ZMYM6: variants seen among roughly 807,000 people sequenced by gnomAD.
ZMYM6 encodes the protein zinc finger MYM-type containing 6, also known as zinc finger MYM-type protein 6.
A neutral mutation model predicts 134.0 loss-of-function variants in ZMYM6; 90 were observed. That is an observed-to-expected ratio of 0.67 (90% CI 0.57 to 0.80). ZMYM6 has a LOEUF of 0.80. Among genes scored for constraint, ZMYM6 ranks in the 30% least tolerant of loss-of-function variants. The probability of loss-of-function intolerance (pLI) is 0.00; values close to 1 mark genes in which losing one functional copy is unlikely to be tolerated. For synonymous variants in ZMYM6, 481 were observed against 524.1 expected, an observed-to-expected ratio of 0.92 and a Z score of 1.12; for missense variants, 1,362 against 1,533.9, an observed-to-expected ratio of 0.89 and a Z score of 1.87.
intron 4 of ZMYM6, among the ~76,000 whole-genome samples, chr1:35,017,004 C>CAA (rs747264286): frequency 1.8e-5 from 2 of 114,036 alleles, no homozygotes; most frequent in Non-Finnish European, 1.9e-5. Flanking sequence ...GACCGTGTCT[C>CAA]AAAAAAAAAA....
Position 35,014,945 on chromosome 1 carries a change from ATC to A in ZMYM6, c.603+41_603+42del, listed in dbSNP as rs755682779. 55 of 1,608,818 alleles carry A rather than the reference ATC, an allele frequency of 3.4e-5. No homozygotes were observed. The East Asian group carries it at 7.8e-4, about 23-fold the overall frequency. ...AATAAGCAGAGCCAGTTAAAAAAAA[ATC>A]TCTTTCAGCAGAATCCCAATAAAAG... On this transcript the variant is annotated intron_variant, in intron 5 of 15. Transcript: ENST00000357182.
intron 14 of ZMYM6, among the ~76,000 whole-genome samples, chr1:35,003,193 A>C (rs1640910631): frequency 6.6e-6 from 1 of 151,508 alleles, no homozygotes; most frequent in Non-Finnish European, 1.5e-5. Context: ...AAAAAAAAAA[A>C]AAAAAAAAAA....
At chr1:35,003,479 T>A (rs1446721895) in intron 14 of ZMYM6, among the ~76,000 whole-genome samples, 1 of 152,176 alleles carries the variant, frequency 6.6e-6, no homozygotes, top group African/African-American at 2.4e-5. Flanking sequence ...TAATTCAAAG[T>A]TGCATAAAAC....
At position 34,988,510 on chromosome 1, in the gene ZMYM6, C is replaced by A; in HGVS notation, c.2572G>T (p.Val858Leu). The change falls in exon 16 of 16, where the codon GTA becomes TTA. Residue 858 changes from valine to leucine, a missense_variant. Coordinates refer to ENST00000357182, the MANE Select transcript of ZMYM6 (RefSeq NM_007167.4). ...CCCAAAACTTCTGAACACATTTCTACTAAATATGGTTTAATTAATTCTTCA... is the reference window on the plus strand; with the variant it reads ...CCCAAAACTTCTGAACACATTTCTAATAAATATGGTTTAATTAATTCTTCA... ...IAEELIKPYL[V>L]EMCSEVLGSS... 1 of 1,550,938 alleles carries A rather than the reference C, an allele frequency of 6.4e-7. No individual in the cohort carries two copies. Among genetic ancestry groups the A allele is most frequent in the South Asian group, 1.2e-5 (1 of 83,810 alleles).
intron 2 of ZMYM6, among the ~76,000 whole-genome samples, chr1:35,024,766 C>T (rs879856805): frequency 1.1e-4 from 16 of 152,140 alleles, no homozygotes; most frequent in African/African-American, 3.6e-4. Context: ...TTGCTACCTG[C>T]TATGTGAAAC....
At position 34,992,562 on chromosome 1, in the gene ZMYM6, A is replaced by T. The variant is rs372694708; in HGVS notation, c.1993-175T>A. On this transcript the variant is annotated intron_variant, in intron 14 of 15. Coordinates refer to ENST00000357182, the MANE Select transcript of ZMYM6 (RefSeq NM_007167.4). ...ATACACACAGATTCCTACTTCTCCC[A>T]ATCAGTATTAGTTTAATTTACTGAT... 7.6e-4 allele frequency among the ~76,000 whole-genome samples: 115 copies of T among 151,204 alleles called. 2 individuals are homozygous for T. The South Asian group carries it at 0.019, about 25-fold the overall frequency.
At chr1:35,027,106 C>T (rs1005309685) in intron 2 of ZMYM6, among the ~76,000 whole-genome samples, 5 of 152,218 alleles carry the variant, frequency 3.3e-5, no homozygotes, top group African/African-American at 1.2e-4. Context: ...CTTATTTCTT[C>T]TTCCACCGGC....
At chr1:35,020,696 C>A (rs1641294050) in intron 2 of ZMYM6, among the ~76,000 whole-genome samples, 1 of 151,676 alleles carries the variant, frequency 6.6e-6, no homozygotes. Context: ...CCTCAGCCAC[C>A]CGAGTAGCTG....
At chr1:35,016,011 G>A (rs1283686298) in intron 4 of ZMYM6, among the ~76,000 whole-genome samples, 29 of 143,982 alleles carry the variant, frequency 2.0e-4, no homozygotes, top group South Asian at 2.2e-4. Context: ...GCAGTGTCAC[G>A]ATCTCGGCTC....
intron 2 of ZMYM6, among the ~76,000 whole-genome samples, chr1:35,024,018 A>C (rs1389273434): frequency 6.6e-6 from 1 of 152,002 alleles, no homozygotes; most frequent in Non-Finnish European, 1.5e-5. Flanking sequence ...TTACCTCACA[A>C]AGTAATTTTT....
At chr1:35,014,940 A>G (rs2148455342) in intron 5 of ZMYM6, 48 bp downstream of exon 5, 1 of 1,608,842 alleles carries the variant, frequency 6.2e-7, no homozygotes, top group East Asian at 2.2e-5. Flanking sequence ...GCCAGTTAAA[A>G]AAAAATCTCT....
intron 14 of ZMYM6, among the ~76,000 whole-genome samples, chr1:35,001,999 G>A (rs1368512003): frequency 6.6e-6 from 1 of 152,094 alleles, no homozygotes; most frequent in Non-Finnish European, 1.5e-5. Context: ...TTGCCACCAC[G>A]AACAGCAATC....
intron 2 of ZMYM6, among the ~76,000 whole-genome samples, chr1:35,024,783 C>G (rs1031246844): frequency 6.6e-6 from 1 of 152,134 alleles, no homozygotes; most frequent in Non-Finnish European, 1.5e-5. Context: ...AAACCTTCCT[C>G]TCCTTCCCAT....
chr1:35,000,485 T>C (rs1431324888), intron 14 of ZMYM6, among the ~76,000 whole-genome samples: 2 of 150,418 alleles, frequency 1.3e-5, no homozygotes, highest in Admixed American at 1.3e-4. Context: ...GAGATCTACC[T>C]ACCTTGGCCT....
Position 35,030,732 on chromosome 1 carries a change from C to T in ZMYM6, c.-74-19G>A, listed in dbSNP as rs750958000. On this transcript the variant is annotated intron_variant, in intron 1 of 15. Transcript: ENST00000357182. Reference sequence around the variant, plus strand: ...TGGACACCTAAAATACATACTCAGGCTTATTCTTTTTTCTTCAGGCTTATC... The same window carrying T: ...TGGACACCTAAAATACATACTCAGGTTTATTCTTTTTTCTTCAGGCTTATC... 1.6e-6 allele frequency: 2 copies of T among 1,255,774 alleles called. No individual in the cohort carries two copies. The highest frequency in any genetic ancestry group is 2.3e-6 in the Non-Finnish European group (2 of 888,864). The allele number at this position is 1,255,774 out of a possible 1,614,324, so 77.8% of individuals were successfully genotyped here. A position where few individuals can be genotyped will look rare whatever the true frequency, so the allele number is the denominator to read the frequency against.
chr1:35,003,411 T>C (rs2148449040), intron 14 of ZMYM6, among the ~76,000 whole-genome samples: 1 of 152,338 alleles, frequency 6.6e-6, no homozygotes, highest in South Asian at 2.1e-4. Flanking sequence ...ATTTCAAATT[T>C]GAGACATAAA....
chr1:34,999,274 T>C (rs1356870959), intron 14 of ZMYM6, among the ~76,000 whole-genome samples: 1 of 152,064 alleles, frequency 6.6e-6, no homozygotes, highest in Non-Finnish European at 1.5e-5. Flanking sequence ...TTTGGCAATA[T>C]AAAGACTGAT....
intron 14 of ZMYM6, among the ~76,000 whole-genome samples, chr1:34,995,662 T>A (rs912984845): frequency 6.6e-6 from 1 of 152,126 alleles, no homozygotes; most frequent in African/African-American, 2.4e-5. Flanking sequence ...ATGATTTACA[T>A]CCCAGGCAGA....
At chr1:35,013,695 T>C in intron 6 of ZMYM6, 2 of 982,352 alleles carry the variant, frequency 2.0e-6, no homozygotes, top group South Asian at 9.4e-5. Context: ...TTTTTTTTTG[T>C]TTGTTTGTTT....
Sources: gnomAD v4.1 joint callset for allele counts (sites outside exome capture counted in the v4.1 genomes callset) on GRCh38, gnomAD v4.1.1 for gene constraint, MANE v1.5 for transcripts, NCBI Gene and HGNC (gene_info 2026-07-23, HGNC 2026-07-21) for gene names.